The following MAPKAPK3 variants were observed in gnomAD, a reference collection of about 807,000 sequenced individuals.
The protein encoded by MAPKAPK3 is MAP kinase-activated protein kinase 3.
A neutral mutation model predicts 49.2 loss-of-function variants in MAPKAPK3; 35 were observed. The observed-to-expected ratio is 0.71, with a 90% CI of 0.54 to 0.94. The LOEUF is 0.94. Ranked by LOEUF, MAPKAPK3 falls within the 40% of genes least tolerant of loss-of-function variation. The pLI, the probability that MAPKAPK3 is intolerant of heterozygous loss-of-function variation, is 0.00. For missense variants in MAPKAPK3, 398 were observed against 493.1 expected (o/e 0.81, Z 1.83); for synonymous variants, 178 against 188.7 (o/e 0.94, Z 0.46).
At chr3:50,617,367 GC>G (rs1465619042) in intron 1 of MAPKAPK3, 126 bp downstream of exon 1, 3 of 497,950 alleles carry the variant, frequency 6.0e-6, no homozygotes, top group African/African-American at 3.8e-5. Context: ...CGCGACCACC[GC>G]CCCTTGCTGC....
At chr3:50,624,202 CCT>C (rs2032678151) in intron 2 of MAPKAPK3, among the ~76,000 whole-genome samples, 1 of 152,174 alleles carries the variant, frequency 6.6e-6, no homozygotes, top group Admixed American at 6.5e-5. Flanking sequence ...TTAATTCAGA[CCT>C]CTGGTTTGAG....
intron 2 of MAPKAPK3, among the ~76,000 whole-genome samples, chr3:50,628,429 C>T (rs2032814795): frequency 6.6e-6 from 1 of 152,222 alleles, no homozygotes; most frequent in South Asian, 2.1e-4. Flanking sequence ...CAACAAAACA[C>T]TTGTGTTTGC....
intron 2 of MAPKAPK3, among the ~76,000 whole-genome samples, chr3:50,621,907 T>A (rs1045699404): frequency 1.3e-5 from 2 of 152,250 alleles, no homozygotes; most frequent in Admixed American, 6.5e-5. Flanking sequence ...TGGAGGCTCT[T>A]CTAGGCTCCC....
At position 50,646,240 on chromosome 3, in the gene MAPKAPK3, G is replaced by C; in HGVS notation, c.805G>C (p.Glu269Gln). ...GGGCCAGTACGGCTTCCCCAATCCTGAGTGGTCAGAAGTCTCTGAGGATGG... is the reference window on the plus strand; with the variant it reads ...GGGCCAGTACGGCTTCCCCAATCCTCAGTGGTCAGAAGTCTCTGAGGATGG... ...RLGQYGFPNP[E>Q]WSEVSEDAKQ... The change falls in exon 8 of 11, where the codon GAG becomes CAG. Residue 269 changes from glutamate (E) to glutamine (Q), a missense_variant. Transcript: ENST00000621469. 1.9e-6 allele frequency: 3 copies of C among 1,614,134 alleles called. No homozygotes were observed. The highest frequency in any genetic ancestry group is 2.5e-6 in the Non-Finnish European group (3 of 1,180,014).
At position 50,640,353 on chromosome 3, in the gene MAPKAPK3, C is replaced by T. The variant is rs766209026; in HGVS notation, c.220-13C>T. 1 of 1,609,412 alleles carries T rather than the reference C, an allele frequency of 6.2e-7. No individual in the cohort carries two copies. The highest frequency in any genetic ancestry group is 1.7e-5 in the Admixed American group (1 of 59,348). ...CTCTGAGCCTGACACTTTCTATGTGCACCCACCTACAGCTCCTGTATGACA... is the reference window on the plus strand; with the variant it reads ...CTCTGAGCCTGACACTTTCTATGTGTACCCACCTACAGCTCCTGTATGACA... On this transcript the variant is annotated splice_polypyrimidine_tract_variant and intron_variant, in intron 2 of 10. Coordinates refer to ENST00000621469, the MANE Select transcript of MAPKAPK3 (RefSeq NM_001243925.2).
chr3:50,632,664 A>AT (rs2032941687), intron 2 of MAPKAPK3, among the ~76,000 whole-genome samples: 1 of 152,236 alleles, frequency 6.6e-6, no homozygotes, highest in Non-Finnish European at 1.5e-5. Flanking sequence ...GATGGGAGAG[A>AT]TAAGTCAGCT....
chr3:50,622,456 T>C (rs2032632079), intron 2 of MAPKAPK3, among the ~76,000 whole-genome samples: 1 of 152,214 alleles, frequency 6.6e-6, no homozygotes. Context: ...TTTGGGGCAA[T>C]GGAACCTTCT....
chr3:50,617,417 C>T, intron 1 of MAPKAPK3, 97 bp from the exon 2 acceptor site: 1 of 588,654 alleles, frequency 1.7e-6, no homozygotes, highest in Non-Finnish European at 3.0e-6. Context: ...GCACTCCCAG[C>T]TTGCCCCGGG....
chr3:50,647,823 G>T, intron 10 of MAPKAPK3, 71 bp from the exon 11 acceptor site: 1 of 1,466,052 alleles, frequency 6.8e-7, no homozygotes, highest in Non-Finnish European at 9.3e-7. Flanking sequence ...GGCTGCCCAG[G>T]CAGGGGGGTG....
At chr3:50,642,416 T>C in intron 5 of MAPKAPK3, 84 bp downstream of exon 5, 1 of 981,798 alleles carries the variant, frequency 1.0e-6, no homozygotes, top group Non-Finnish European at 1.6e-6. Context: ...CAGGACCCAC[T>C]GGATGGAGGC....
chr3:50,614,578 G>A (rs2032417428), upstream of MAPKAPK3, among the ~76,000 whole-genome samples: 2 of 150,238 alleles, frequency 1.3e-5, no homozygotes, highest in Non-Finnish European at 2.9e-5. Context: ...CTATTCCAAA[G>A]TCTCTGTCCC....
upstream of MAPKAPK3, among the ~76,000 whole-genome samples, chr3:50,613,597 C>T (rs1276551741): frequency 6.6e-6 from 1 of 152,184 alleles, no homozygotes; most frequent in Admixed American, 6.5e-5. Flanking sequence ...AGGACTTTGC[C>T]GCTGCCAGGC....
At chr3:50,635,922 AAAAAAAAAAAAAAAAAAAAAAAAACC>A (rs1441534175) in intron 2 of MAPKAPK3, among the ~76,000 whole-genome samples, 18 of 55,766 alleles carry the variant, frequency 3.2e-4, no homozygotes, top group African/African-American at 6.1e-4. Flanking sequence ...GTCTCTACCA[AAAAAAAAAAAAAAAAAAAAAAAAACC>A]AAAAAAAAAA....
Position 50,611,947 on chromosome 3 carries a change from G to A in MAPKAPK3, c.-557G>A, listed in dbSNP as rs866509149. 28 of 425,398 alleles carry A rather than the reference G, an allele frequency of 6.6e-5. 1 individual carries two copies. In the South Asian group the frequency reaches 1.1e-3, roughly 17 times the overall value. 26.4% of individuals were successfully genotyped at this position (425,398 alleles called of 1,614,324 possible). On this transcript the variant is annotated 5_prime_UTR_variant, in exon 1 of 13. Coordinates refer to the MAPKAPK3 transcript ENST00000446044. Reference sequence around the variant, plus strand: ...GGCCCGGGCGGGGTGCGCGGGCCCCGTCGCCGGGTCTGGGGCCCTGAGCAG... The same window carrying A: ...GGCCCGGGCGGGGTGCGCGGGCCCCATCGCCGGGTCTGGGGCCCTGAGCAG...
At chr3:50,643,822 A>G (rs1451369344) in intron 5 of MAPKAPK3, among the ~76,000 whole-genome samples, 2 of 151,756 alleles carry the variant, frequency 1.3e-5, no homozygotes, top group Non-Finnish European at 2.9e-5. Context: ...GCCCCTCTCC[A>G]TGGGCCTACA....
intron 3 of MAPKAPK3, 116 bp from the exon 4 acceptor site, chr3:50,641,591 A>G: frequency 1.2e-6 from 1 of 814,798 alleles, no homozygotes; most frequent in Non-Finnish European, 2.1e-6. Flanking sequence ...GTGGCTGTTC[A>G]GTAGGGGAGG....
chr3:50,635,142 A>C (rs2033002790), intron 2 of MAPKAPK3, among the ~76,000 whole-genome samples: 1 of 152,202 alleles, frequency 6.6e-6, no homozygotes, highest in Non-Finnish European at 1.5e-5. Context: ...GCTCATTCTC[A>C]TGCCTGGGAA....
chr3:50,629,018 G>C (rs1031955175), intron 2 of MAPKAPK3, among the ~76,000 whole-genome samples: 5 of 152,170 alleles, frequency 3.3e-5, no homozygotes, highest in Non-Finnish European at 5.9e-5. Context: ...GACCAAGCTT[G>C]AGAGCTGGGT....
In MAPKAPK3 at chr3:50,617,497, C is replaced by G; in HGVS notation, c.-52-17C>G. 1.3e-6 allele frequency: 1 copy of G among 771,950 alleles called. No homozygotes were observed. Among genetic ancestry groups the G allele is most frequent in the Non-Finnish European group, 2.2e-6 (1 of 460,518 alleles). The allele number at this position is 771,950 out of a possible 1,614,324, so 47.8% of individuals were successfully genotyped here. On this transcript the variant is annotated splice_polypyrimidine_tract_variant and intron_variant, in intron 1 of 10. Transcript: ENST00000621469. Reference sequence around the variant, plus strand: ...TGGAAAAGTCTGGGCGGGACTCACTCTTCCCCTTTCCCCCAGGTGCCACTA... The same window carrying G: ...TGGAAAAGTCTGGGCGGGACTCACTGTTCCCCTTTCCCCCAGGTGCCACTA...
Sources: allele counts gnomAD v4.1 joint callset (sites outside exome capture counted in the v4.1 genomes callset), GRCh38; gene constraint gnomAD v4.1.1; transcripts MANE v1.5; gene names NCBI Gene and HGNC (gene_info 2026-07-23, HGNC 2026-07-21).